BUB1: variants seen among roughly 807,000 people sequenced by gnomAD.
BUB1 encodes the protein mitotic checkpoint serine/threonine-protein kinase BUB1.
Under a neutral mutation model 135.2 loss-of-function variants are expected in BUB1, and 84 were observed. That is an observed-to-expected ratio of 0.62 (90% CI 0.52 to 0.74). The LOEUF is 0.74. Ranked by LOEUF, BUB1 falls within the 30% of genes least tolerant of loss-of-function variation. The pLI is 0.00. For synonymous variants in BUB1, 403 were observed against 434.4 expected (o/e 0.93, Z 0.90); for missense variants, 1,162 against 1,288.3 (o/e 0.90, Z 1.50).
At position 110,642,118 on chromosome 2, in the gene BUB1, C is replaced by G. The variant is rs754932284; in HGVS notation, c.2463+1G>C. ...TACAAAAGACAACTCAGGTCATTTA[C>G]CTTTAAAACAAATTTCTGTTTATTT... On this transcript the variant is annotated splice_donor_variant, in intron 20 of 24. Coordinates refer to ENST00000302759, the MANE Select transcript of BUB1 (RefSeq NM_004336.5). LOFTEE classifies it high-confidence loss of function. 3.8e-6 allele frequency: 6 copies of G among 1,598,972 alleles called. No individual in the cohort carries two copies. The highest frequency in any genetic ancestry group is 5.1e-6 in the Non-Finnish European group (6 of 1,170,564).
intron 19 of BUB1, among the ~76,000 whole-genome samples, chr2:110,645,458 A>C (rs905817186): frequency 3.3e-5 from 5 of 151,828 alleles, no homozygotes; most frequent in Non-Finnish European, 7.4e-5. Flanking sequence ...AAAAAAAAGT[A>C]AAGGGATAGA....
At chr2:110,650,464 CA>C in intron 18 of BUB1, 81 bp downstream of exon 18, 1 of 1,320,434 alleles carries the variant, frequency 7.6e-7, no homozygotes, top group African/African-American at 1.4e-5. Context: ...ATTCAAGTCC[CA>C]CTGTGGGTTT....
At chr2:110,662,842 G>A (rs1358063840) in intron 9 of BUB1, among the ~76,000 whole-genome samples, 1 of 151,986 alleles carries the variant, frequency 6.6e-6, no homozygotes, top group Non-Finnish European at 1.5e-5. Context: ...TCTAGGGCAA[G>A]AATAGTTATT....
intron 19 of BUB1, among the ~76,000 whole-genome samples, chr2:110,646,273 T>C (rs1689644310): frequency 6.7e-6 from 1 of 150,154 alleles, no homozygotes; most frequent in Non-Finnish European, 1.5e-5. Flanking sequence ...GATTTTGAGG[T>C]TGCAGTGAGC....
chr2:110,670,532 T>C lies in BUB1; in HGVS notation c.459A>G (p.Pro153=). The change falls in exon 5 of 25, where the codon CCA becomes CCG. Residue 153 remains proline (P), a synonymous_variant. Transcript: ENST00000302759. ...TAGAAAGCCTGATTTTACCTTGAGC[T>C]GGCAAATGGGTTTCAGTGAGGCGTG... ...FQTRLTETHL[P]AQARTSEPLH... 6.2e-7 allele frequency: 1 copy of C among 1,614,064 alleles called. No homozygotes were observed. Among genetic ancestry groups the C allele is most frequent in the East Asian group, 2.2e-5 (1 of 44,884 alleles).
chr2:110,640,105 G>C (rs1237050828), intron 23 of BUB1: 1 of 571,340 alleles, frequency 1.8e-6, no homozygotes, highest in Non-Finnish European at 3.2e-6. Context: ...CTGTCACACA[G>C]AGGACAAACA....
chr2:110,675,455 G>C (rs1003681906), intron 1 of BUB1, among the ~76,000 whole-genome samples: 4 of 152,158 alleles, frequency 2.6e-5, no homozygotes, highest in Non-Finnish European at 4.4e-5. Flanking sequence ...AAGCAAGCCA[G>C]TGTGGTTCAA....
chr2:110,657,593 C>G lies in BUB1; in HGVS notation c.1569G>C (p.Leu523Phe). ...CTTCAAACACATGAAAAGCAGATGACAAAGAAGAGATGATCTTATTGACTC... is the reference window on the plus strand; with the variant it reads ...CTTCAAACACATGAAAAGCAGATGAGAAAGAAGAGATGATCTTATTGACTC... ...AWGVNKIISS[L>F]SSAFHVFEDG... Residue 523 changes from leucine to phenylalanine, a missense_variant, in exon 14 of 25, where the codon TTG (leucine) becomes TTC (phenylalanine). By Grantham distance (22) the Leu-to-Phe change is conservative (BLOSUM62 0). Coordinates refer to ENST00000302759, the MANE Select transcript of BUB1 (RefSeq NM_004336.5). 1 of 1,607,522 alleles carries G rather than the reference C, an allele frequency of 6.2e-7. No individual in the cohort carries two copies. The highest frequency in any genetic ancestry group is 8.5e-7 in the Non-Finnish European group (1 of 1,176,850).
rs1475239603 is a variant in BUB1 at position 110,666,250 on chromosome 2, G to C, written c.957+13C>G. The C allele has an allele frequency of 7.3e-7, 1 of 1,364,318 alleles. No individual in the cohort carries two copies. Among genetic ancestry groups the C allele is most frequent in the Non-Finnish European group, 9.5e-7 (1 of 1,048,606 alleles). The allele number at this position is 1,364,318 out of a possible 1,614,324, so 84.5% of individuals were successfully genotyped here. ...TGCTGGGCACAGGATGTGTCATGAGGAGCACAACATACCTCGGACCTTTCC... is the reference window on the plus strand; with the variant it reads ...TGCTGGGCACAGGATGTGTCATGAGCAGCACAACATACCTCGGACCTTTCC... On this transcript the variant is annotated intron_variant, in intron 9 of 24. Coordinates refer to ENST00000302759, the MANE Select transcript of BUB1 (RefSeq NM_004336.5).
chr2:110,663,900 G>A (rs1254141856), intron 9 of BUB1, among the ~76,000 whole-genome samples: 13 of 151,890 alleles, frequency 8.6e-5, no homozygotes, highest in Admixed American at 8.5e-4. Context: ...ATGGTGGCAG[G>A]CGCCTGTAGT....
At chr2:110,645,831 T>C (rs1047271440) in intron 19 of BUB1, among the ~76,000 whole-genome samples, 4 of 152,074 alleles carry the variant, frequency 2.6e-5, no homozygotes, top group Non-Finnish European at 5.9e-5. Context: ...GCTCCCAAAG[T>C]GCTGGATTAC....
chr2:110,641,867 C>T (rs752793469), intron 20 of BUB1, 64 bp from the exon 21 acceptor site: 297 of 1,506,280 alleles, frequency 2.0e-4, no homozygotes, highest in Non-Finnish European at 2.4e-4. Context: ...AGCAATAAAG[C>T]AACCTCTATC....
At position 110,670,574 on chromosome 2, in the gene BUB1, T is replaced by A; in HGVS notation, c.423-6A>T. On this transcript the variant is annotated splice_region_variant and splice_polypyrimidine_tract_variant and intron_variant, in intron 4 of 24. Coordinates refer to ENST00000302759, the MANE Select transcript of BUB1 (RefSeq NM_004336.5). The stretch of plus-strand genomic sequence containing the variant: ...TGAGGCGTGTCTGAAATAACCTAAA[T>A]GACAGCAGAAAAGGCATCAATGTAG... 1 of 1,613,876 alleles carries A rather than the reference T, an allele frequency of 6.2e-7. No homozygotes were observed.
At chr2:110,646,167 CAAAA>C (rs1157342273) in intron 19 of BUB1, among the ~76,000 whole-genome samples, 1 of 54,736 alleles carries the variant, frequency 1.8e-5, no homozygotes, top group Non-Finnish European at 3.9e-5. Context: ...TATCTCTACC[CAAAA>C]AAAAAAAAAA....
rs755647100 is a variant in BUB1 at position 110,667,650 on chromosome 2, C to T, written c.676G>A (p.Ala226Thr). The stretch of plus-strand genomic sequence containing the variant: ...ACCTGCTCAACATCAACTTTGGATG[C>T]CAAAGATGAGTGCACAGAATATTCT... The part of the protein sequence containing the change: ...KSEYSVHSSL[A>T]SKVDVEQVVM... The change falls in exon 8 of 25, where the codon GCA becomes ACA. Residue 226 changes from alanine (A) to threonine (T), a missense_variant. Transcript: ENST00000302759. The T allele has an allele frequency of 3.1e-6, 5 of 1,613,768 alleles. No homozygotes were observed. In the Admixed American group the frequency reaches 5.0e-5, roughly 16 times the overall value.
chr2:110,640,814 C>G (rs1689481382), intron 23 of BUB1, among the ~76,000 whole-genome samples: 1 of 152,090 alleles, frequency 6.6e-6, no homozygotes, highest in Admixed American at 6.6e-5. Flanking sequence ...ATATATCTGC[C>G]CCCCTTTCCT....
At position 110,662,480 on chromosome 2, in the gene BUB1, A is replaced by G. The variant is rs187559697; in HGVS notation, c.958-639T>C. Reference sequence around the variant, plus strand: ...AGATGAGTTAATTTCTCACCATATAAAAGTATGCTTATAAATTGTTAAGAA... The same window carrying G: ...AGATGAGTTAATTTCTCACCATATAGAAGTATGCTTATAAATTGTTAAGAA... On this transcript the variant is annotated intron_variant, in intron 9 of 24. Transcript: ENST00000302759. Among the ~76,000 whole-genome samples the G allele has an allele frequency of 2.0e-3, 304 of 152,246 alleles. 3 individuals are homozygous for G. Among genetic ancestry groups the G allele is most frequent in the Non-Finnish European group, 3.3e-3 (225 of 68,022 alleles).
At chr2:110,667,942 G>A in intron 6 of BUB1, 93 bp from the exon 7 acceptor site, 1 of 1,189,162 alleles carries the variant, frequency 8.4e-7, no homozygotes, top group Non-Finnish European at 1.2e-6. Flanking sequence ...ATGCTTGAGG[G>A]GAAGAGGGAC....
chr2:110,667,950 G>T (rs1690308218), intron 6 of BUB1, 101 bp from the exon 7 acceptor site: 1 of 1,042,606 alleles, frequency 9.6e-7, no homozygotes, highest in Non-Finnish European at 1.4e-6. Context: ...GGGGAAGAGG[G>T]ACCTTAATCC....
Sources: allele counts gnomAD v4.1 joint callset (sites outside exome capture counted in the v4.1 genomes callset), GRCh38; gene constraint gnomAD v4.1.1; transcripts MANE v1.5; gene names NCBI Gene and HGNC (gene_info 2026-07-23, HGNC 2026-07-21).